KAZN: variants seen among roughly 807,000 people sequenced by gnomAD.
KAZN encodes kazrin, periplakin interacting protein.
A neutral mutation model predicts 87.4 loss-of-function variants in KAZN; 40 were observed. The observed-to-expected ratio is 0.46, with a 90% confidence interval of 0.36 to 0.60. KAZN has a LOEUF of 0.60. Among genes scored for constraint, KAZN ranks in the 20% least tolerant of loss-of-function variants. The pLI, the probability that KAZN is intolerant of heterozygous loss-of-function variation, is 0.00. For synonymous variants in KAZN, 466 were observed against 458.3 expected, an observed-to-expected ratio of 1.02 and a Z score of -0.22; for missense variants, 898 against 1,073.9, an observed-to-expected ratio of 0.84 and a Z score of 2.29.
chr1:14,030,600 TGAAA>T (rs892982546), intron 1 of KAZN, among the ~76,000 whole-genome samples: 40 of 149,242 alleles, frequency 2.7e-4, no homozygotes, highest in Admixed American at 1.4e-3. Flanking sequence ...TAAGTAAATG[TGAAA>T]GAAAGAGAAA....
chr1:14,531,258 T>C (rs1672193973), intron 2 of KAZN, among the ~76,000 whole-genome samples: 1 of 152,198 alleles, frequency 6.6e-6, no homozygotes, highest in Non-Finnish European at 1.5e-5. Context: ...CAAATCTATC[T>C]TGAGCTGAAC....
At chr1:14,028,127 A>G (rs778433236) in intron 1 of KAZN, among the ~76,000 whole-genome samples, 1 of 152,164 alleles carries the variant, frequency 6.6e-6, no homozygotes, top group Non-Finnish European at 1.5e-5. Flanking sequence ...AACTCTGCAC[A>G]GCTTTTTAGC....
chr1:14,467,936 C>T (rs2148363348), intron 2 of KAZN, among the ~76,000 whole-genome samples: 1 of 152,264 alleles, frequency 6.6e-6, no homozygotes, highest in South Asian at 2.1e-4. Flanking sequence ...AATGTCCACA[C>T]CTGAGCTAGT....
intron 2 of KAZN, among the ~76,000 whole-genome samples, chr1:14,186,460 G>C (rs1646308506): frequency 6.6e-6 from 1 of 152,166 alleles, no homozygotes; most frequent in African/African-American, 2.4e-5. Context: ...AGATAGGAGA[G>C]AGGGTAGCTA....
At chr1:14,051,973 G>A (rs1456222631) in intron 1 of KAZN, among the ~76,000 whole-genome samples, 1 of 152,226 alleles carries the variant, frequency 6.6e-6, no homozygotes, top group Admixed American at 6.5e-5. Flanking sequence ...ACTGTGGACA[G>A]TTGCTAGTAT....
In KAZN at chr1:14,598,964, T is replaced by A; in HGVS notation, c.-34T>A. 1 of 1,561,146 alleles carries A rather than the reference T, an allele frequency of 6.4e-7. No individual in the cohort carries two copies. Among genetic ancestry groups the A allele is most frequent in the Non-Finnish European group, 8.6e-7 (1 of 1,157,464 alleles). Reference sequence around the variant, plus strand: ...CCCCCGCGCATCATGCAGCTCTTTGTCACCTCTCTCGCCCCCAGGCCAAAA... The same window carrying A: ...CCCCCGCGCATCATGCAGCTCTTTGACACCTCTCTCGCCCCCAGGCCAAAA... On this transcript the variant is annotated 5_prime_UTR_variant, in exon 1 of 15. Coordinates refer to ENST00000376030, the MANE Select transcript of KAZN (RefSeq NM_201628.3). The surrounding 1 kb of genome is among the most constrained non-coding windows in gnomAD (Gnocchi z 4.2).
Position 14,580,589 on chromosome 1 carries a change from G to C in KAZN, c.250-18394G>C, listed in dbSNP as rs113044921. 3.7e-3 allele frequency among the ~76,000 whole-genome samples: 560 copies of C among 152,292 alleles called. 8 individuals are homozygous for C. Among genetic ancestry groups the C allele is most frequent in the African/African-American group, 0.013 (537 of 41,574 alleles). ...CGTTAGTGGATATGGAGGGGCTCAG[G>C]ATAAGAGGCCTATAGCTGTGAGTTG... On this transcript the variant is annotated intron_variant, in intron 2 of 16. Coordinates refer to the KAZN transcript ENST00000636203.
intron 2 of KAZN, among the ~76,000 whole-genome samples, chr1:14,569,028 G>A (rs1190659408): frequency 6.6e-6 from 1 of 152,146 alleles, no homozygotes; most frequent in Non-Finnish European, 1.5e-5. Flanking sequence ...CTGAATGAAG[G>A]AGCTGAAAAT....
chr1:14,734,952 G>T (rs1370593298), intron 1 of KAZN, among the ~76,000 whole-genome samples: 1 of 152,204 alleles, frequency 6.6e-6, no homozygotes, highest in Admixed American at 6.5e-5. Flanking sequence ...CTCTGTGTAG[G>T]TTGTAAAATT....
intron 1 of KAZN, among the ~76,000 whole-genome samples, chr1:14,121,511 T>A (rs912740465): frequency 5.3e-5 from 8 of 152,144 alleles, no homozygotes; most frequent in African/African-American, 1.7e-4. Flanking sequence ...ATGCAAGCAA[T>A]CTGGATCATG....
upstream of KAZN, among the ~76,000 whole-genome samples, chr1:14,593,959 T>G (rs1229522086): frequency 6.6e-6 from 1 of 152,182 alleles, no homozygotes; most frequent in East Asian, 1.9e-4. Flanking sequence ...CCTGGTTAAA[T>G]TCTTCCCAGC....
chr1:14,586,141 A>G (rs1352203090), intron 2 of KAZN, among the ~76,000 whole-genome samples: 2 of 152,240 alleles, frequency 1.3e-5, no homozygotes, highest in African/African-American at 4.8e-5. Context: ...AATTTCTGGA[A>G]GACTCGGTTG....
chr1:14,207,261 G>A (rs531305049), intron 2 of KAZN, among the ~76,000 whole-genome samples: 2 of 152,124 alleles, frequency 1.3e-5, no homozygotes, highest in Admixed American at 6.6e-5. Context: ...ACCATGCCTG[G>A]CCCATTTTTA....
At chr1:14,796,722 G>A (rs552950800) in intron 1 of KAZN, among the ~76,000 whole-genome samples, 33 of 152,224 alleles carry the variant, frequency 2.2e-4, no homozygotes, top group Non-Finnish European at 3.8e-4. Context: ...ACTGCCTTTG[G>A]CATAACACGA....
chr1:14,521,927 G>C (rs1055932550), intron 2 of KAZN, among the ~76,000 whole-genome samples: 1 of 152,220 alleles, frequency 6.6e-6, no homozygotes, highest in African/African-American at 2.4e-5. Context: ...GGAGACATCA[G>C]CACATTTCAG....
intron 2 of KAZN, among the ~76,000 whole-genome samples, chr1:14,487,970 C>T (rs1280169947): frequency 6.6e-6 from 1 of 152,284 alleles, no homozygotes; most frequent in East Asian, 1.9e-4. Context: ...GTCACATGGG[C>T]CACTGGCTCA....
At chr1:14,100,753 G>A (rs930778833) in intron 1 of KAZN, among the ~76,000 whole-genome samples, 7 of 152,286 alleles carry the variant, frequency 4.6e-5, no homozygotes, top group Admixed American at 3.9e-4. Flanking sequence ...TAGGCACAGT[G>A]AGCCAGTCTT....
At chr1:14,289,381 T>C (rs1012020373) in intron 2 of KAZN, among the ~76,000 whole-genome samples, 1 of 152,246 alleles carries the variant, frequency 6.6e-6, no homozygotes, top group African/African-American at 2.4e-5. Context: ...TGGGTGCATA[T>C]ATATTTAGGA....
intron 2 of KAZN, among the ~76,000 whole-genome samples, chr1:14,578,313 G>A (rs1675317045): frequency 6.6e-6 from 1 of 152,050 alleles, no homozygotes; most frequent in South Asian, 2.1e-4. Flanking sequence ...TACCAACTGT[G>A]AAGCACCCTT....
Sources: allele counts gnomAD v4.1 joint callset (sites outside exome capture counted in the v4.1 genomes callset), GRCh38; gene constraint gnomAD v4.1.1; non-coding constraint Gnocchi (gnomAD v3.1); transcripts MANE v1.5; gene names NCBI Gene and HGNC (gene_info 2026-07-23, HGNC 2026-07-21).